The following CDH12 variants were observed in gnomAD, a reference collection of about 807,000 sequenced individuals.
CDH12 encodes the protein cadherin 12, also known as cadherin-12.
In CDH12, 41 loss-of-function variants were observed where a neutral mutation model predicts 74.1. The ratio of observed to expected loss-of-function variants is 0.55; its 90% confidence interval spans 0.43 to 0.72. CDH12 has a LOEUF of 0.72. Ranked by LOEUF, CDH12 falls within the 30% of genes least tolerant of loss-of-function variation. The pLI is 0.00. For missense variants in CDH12, 945 were observed against 977.2 expected, an observed-to-expected ratio of 0.97 and a Z score of 0.44; for synonymous variants, 399 against 355.0, an observed-to-expected ratio of 1.12 and a Z score of -1.39.
At chr5:22,634,160 G>T (rs1269897571) in intron 1 of CDH12, among the ~76,000 whole-genome samples, 1 of 151,878 alleles carries the variant, frequency 6.6e-6, no homozygotes, top group African/African-American at 2.4e-5. Flanking sequence ...TAGCATAAAA[G>T]GCAGTAATGA....
At chr5:21,962,704 C>A (rs1756413951) in intron 6 of CDH12, among the ~76,000 whole-genome samples, 1 of 152,096 alleles carries the variant, frequency 6.6e-6, no homozygotes, top group South Asian at 2.1e-4. Flanking sequence ...TTTGATCTGC[C>A]ATGCCTGGTT....
In CDH12 at chr5:21,797,809, T is replaced by C. The variant is rs900160053; in HGVS notation, c.1256+4358A>G. ...TGTATCTTTACCTAATAATGTTTTT[T>C]ACTTAGGAAATTTTTGATTTTTCTA... On this transcript the variant is annotated intron_variant, in intron 10 of 14. Transcript: ENST00000382254. 4.6e-5 allele frequency among the ~76,000 whole-genome samples: 7 copies of C among 152,292 alleles called. No individual in the cohort carries two copies. The East Asian group carries it at 1.2e-3, about 25-fold the overall frequency.
chr5:22,240,012 T>C (rs1752691955), intron 3 of CDH12, among the ~76,000 whole-genome samples: 1 of 152,178 alleles, frequency 6.6e-6, no homozygotes, highest in African/African-American at 2.4e-5. Context: ...TAAAATATTG[T>C]AGCATGTGCC....
chr5:22,352,315 C>A (rs1740388237), intron 3 of CDH12, among the ~76,000 whole-genome samples: 1 of 152,004 alleles, frequency 6.6e-6, no homozygotes, highest in African/African-American at 2.4e-5. Context: ...ATCCTCTTTT[C>A]TTTTCATATC....
At chr5:21,786,849 A>G (rs1296599208) in intron 10 of CDH12, among the ~76,000 whole-genome samples, 1 of 152,156 alleles carries the variant, frequency 6.6e-6, no homozygotes, top group African/African-American at 2.4e-5. Context: ...GGAAGAAGTT[A>G]TTCCAAGCCT....
chr5:22,837,769 G>A (rs1736897723), intron 1 of CDH12, among the ~76,000 whole-genome samples: 1 of 152,104 alleles, frequency 6.6e-6, no homozygotes, highest in Non-Finnish European at 1.5e-5. Flanking sequence ...GAATTTACAT[G>A]GAAACTATAC....
chr5:22,209,323 T>A (rs571375369), intron 4 of CDH12, among the ~76,000 whole-genome samples: 2 of 152,188 alleles, frequency 1.3e-5, no homozygotes, highest in African/African-American at 4.8e-5. Flanking sequence ...TTATGTAAAG[T>A]CAGCATAGCA....
chr5:22,286,490 C>T (rs1737140088), intron 3 of CDH12, among the ~76,000 whole-genome samples: 1 of 152,128 alleles, frequency 6.6e-6, no homozygotes. Context: ...CGGGTTTCAT[C>T]TTCTGCAATA....
intron 5 of CDH12, among the ~76,000 whole-genome samples, chr5:21,985,927 C>T (rs1045506574): frequency 1.3e-4 from 20 of 152,080 alleles, no homozygotes; most frequent in African/African-American, 4.3e-4. Flanking sequence ...CCACCGAATG[C>T]CCAAGAATAT....
intron 2 of CDH12, among the ~76,000 whole-genome samples, chr5:22,448,764 T>C (rs1744928468): frequency 6.6e-6 from 1 of 152,014 alleles, no homozygotes. Flanking sequence ...AAAGAGTATA[T>C]ATTTCCTACT....
chr5:21,786,217 G>C (rs1348799059), intron 10 of CDH12, among the ~76,000 whole-genome samples: 1 of 152,132 alleles, frequency 6.6e-6, no homozygotes, highest in Non-Finnish European at 1.5e-5. Context: ...GCAATGGTAT[G>C]ATCTCAGCTC....
intron 7 of CDH12, 36 bp downstream of exon 7, chr5:21,854,635 G>A: frequency 1.3e-6 from 2 of 1,543,584 alleles, no homozygotes; most frequent in Non-Finnish European, 1.8e-6. Context: ...ATATTTGAAG[G>A]GCTGGTGATA....
intron 3 of CDH12, among the ~76,000 whole-genome samples, chr5:22,321,337 C>A (rs1474597879): frequency 1.3e-5 from 2 of 148,296 alleles, no homozygotes; most frequent in Non-Finnish European, 3.0e-5. Flanking sequence ...AGTTCACGTC[C>A]TTTGTAGGGA....
intron 5 of CDH12, among the ~76,000 whole-genome samples, chr5:22,018,072 T>C (rs1737717194): frequency 6.6e-6 from 1 of 152,122 alleles, no homozygotes; most frequent in Non-Finnish European, 1.5e-5. Context: ...TTCCTTTTAA[T>C]ATTTAGTCCA....
At chr5:21,896,933 T>A (rs1314315354) in intron 6 of CDH12, among the ~76,000 whole-genome samples, 1 of 152,024 alleles carries the variant, frequency 6.6e-6, no homozygotes, top group Non-Finnish European at 1.5e-5. Context: ...CAAAGGAAAA[T>A]AAATAGAACT....
intron 3 of CDH12, among the ~76,000 whole-genome samples, chr5:22,307,274 TTCAG>T (rs1030723919): frequency 6.6e-6 from 1 of 152,210 alleles, no homozygotes; most frequent in African/African-American, 2.4e-5. Flanking sequence ...GAGTAAAATC[TTCAG>T]TCAATGTCAG....
In CDH12 at chr5:22,830,343, G is replaced by A. The variant is rs71611210; in HGVS notation, c.-523+22715C>T. Reference sequence around the variant, plus strand: ...AAAAACCCTAAAATTAGCAATTTATGTATGTATACATGTATATATATGCCA... The same window carrying A: ...AAAAACCCTAAAATTAGCAATTTATATATGTATACATGTATATATATGCCA... On this transcript the variant is annotated intron_variant, in intron 1 of 14. Transcript: ENST00000382254. 4.0e-3 allele frequency among the ~76,000 whole-genome samples: 607 copies of A among 152,150 alleles called. 1 individual carries two copies. The highest frequency in any genetic ancestry group is 6.9e-3 in the Non-Finnish European group (467 of 67,982).
intron 2 of CDH12, among the ~76,000 whole-genome samples, chr5:22,428,206 T>C (rs902931227): frequency 3.2e-3 from 488 of 150,288 alleles, no homozygotes; most frequent in African/African-American, 8.9e-3. Context: ...TATATATATA[T>C]ACACACACAC....
intron 5 of CDH12, among the ~76,000 whole-genome samples, chr5:22,066,749 T>C (rs1439523377): frequency 6.6e-6 from 1 of 152,164 alleles, no homozygotes; most frequent in Non-Finnish European, 1.5e-5. Flanking sequence ...CTGCTGAGAT[T>C]AGTGCCATCA....
Sources: allele counts gnomAD v4.1 joint callset (sites outside exome capture counted in the v4.1 genomes callset), GRCh38; gene constraint gnomAD v4.1.1; transcripts MANE v1.5; gene names NCBI Gene and HGNC (gene_info 2026-07-23, HGNC 2026-07-21).